The following FILIP1 variants were observed in gnomAD, a reference collection of about 807,000 sequenced individuals.
FILIP1 encodes the protein filamin-A-interacting protein 1.
A neutral mutation model predicts 102.1 loss-of-function variants in FILIP1; 61 were observed. The ratio of observed to expected loss-of-function variants is 0.60; its 90% CI spans 0.49 to 0.74. FILIP1 has a LOEUF of 0.74. Ranked by LOEUF, FILIP1 falls within the 30% of genes least tolerant of loss-of-function variation. The pLI is 0.00. For missense variants in FILIP1, 1,314 were observed against 1,441.2 expected (o/e 0.91, Z 1.43); for synonymous variants, 491 against 526.9 (o/e 0.93, Z 0.93).
At position 75,426,159 on chromosome 6, in the gene FILIP1, G is replaced by A. The variant is rs138366060; in HGVS notation, c.-6-11181C>T. Among the ~76,000 whole-genome samples the A allele has an allele frequency of 5.3e-5, 8 of 152,144 alleles. No individual in the cohort carries two copies. In the East Asian group the frequency reaches 1.5e-3, roughly 29 times the overall value. The stretch of plus-strand genomic sequence containing the variant: ...AGACTATGTGACAGAAATGATGAGT[G>A]TATTTAAACTGGGAGAAATATAAAT... On this transcript the variant is annotated intron_variant, in intron 1 of 5. Coordinates refer to ENST00000237172, the MANE Select transcript of FILIP1 (RefSeq NM_015687.5).
intron 2 of FILIP1, among the ~76,000 whole-genome samples, chr6:75,407,468 C>T (rs189652733): frequency 5.3e-5 from 8 of 152,222 alleles, no homozygotes; most frequent in East Asian, 3.9e-4. Flanking sequence ...CCTTGTGATC[C>T]GCCCACCTCG....
chr6:75,465,963 G>T (rs1779152179), intron 1 of FILIP1, among the ~76,000 whole-genome samples: 1 of 152,116 alleles, frequency 6.6e-6, no homozygotes, highest in South Asian at 2.1e-4. Flanking sequence ...AGCCACGCCA[G>T]CCATCGCGCT....
intron 4 of FILIP1, among the ~76,000 whole-genome samples, chr6:75,335,295 T>C (rs1774205334): frequency 6.6e-6 from 1 of 152,170 alleles, no homozygotes; most frequent in African/African-American, 2.4e-5. Flanking sequence ...ATATTTTTAC[T>C]TGAATTTTTT....
chr6:75,492,549 C>G (rs866343324), intron 1 of FILIP1, among the ~76,000 whole-genome samples: 4 of 152,114 alleles, frequency 2.6e-5, no homozygotes, highest in Admixed American at 1.3e-4. Flanking sequence ...TCATATTCAA[C>G]ATGAAATTGG....
intron 2 of FILIP1, among the ~76,000 whole-genome samples, chr6:75,399,460 T>C (rs1245864553): frequency 6.6e-6 from 1 of 152,198 alleles, no homozygotes; most frequent in Non-Finnish European, 1.5e-5. Flanking sequence ...TACCATACAA[T>C]AGGCCATTAA....
chr6:75,348,729 G>A (rs1425569587), intron 4 of FILIP1, among the ~76,000 whole-genome samples: 38 of 152,208 alleles, frequency 2.5e-4, no homozygotes, highest in Admixed American at 2.5e-3. Context: ...AACCTTCTGT[G>A]ATAACTACCC....
chr6:75,475,451 C>T (rs1170157677), intron 1 of FILIP1, among the ~76,000 whole-genome samples: 1 of 152,126 alleles, frequency 6.6e-6, no homozygotes, highest in South Asian at 2.1e-4. Context: ...TCCCTTGTTC[C>T]ACCATTCCCT....
chr6:75,393,976 G>C (rs986385401), intron 2 of FILIP1, among the ~76,000 whole-genome samples: 1 of 152,150 alleles, frequency 6.6e-6, no homozygotes, highest in Non-Finnish European at 1.5e-5. Context: ...CTCCCTTAGA[G>C]GTACTAGCAG....
chr6:75,301,085 TA>T (rs1772824718), intron 6 of FILIP1, among the ~76,000 whole-genome samples: 1 of 152,208 alleles, frequency 6.6e-6, no homozygotes, highest in South Asian at 2.1e-4. Flanking sequence ...ACACAGATGG[TA>T]AATACCTAGG....
In FILIP1 at chr6:75,365,336, G is replaced by A. The variant is rs913130065; in HGVS notation, c.277-2419C>T. On this transcript the variant is annotated intron_variant, in intron 2 of 5. Transcript: ENST00000237172. ...AGAAGACAGGGTAGTAATATTAAGGGCTGGTTTTTTTGTTTGTTTGTTTTT... is the reference window on the plus strand; with the variant it reads ...AGAAGACAGGGTAGTAATATTAAGGACTGGTTTTTTTGTTTGTTTGTTTTT... Among the ~76,000 whole-genome samples, 3 of 145,472 alleles carry A rather than the reference G, an allele frequency of 2.1e-5. No individual in the cohort carries two copies. The Admixed American group carries it at 2.1e-4, about 10-fold the overall frequency.
chr6:75,337,091 AT>A lies in FILIP1; in HGVS notation c.629+16447del, dbSNP rs549077606. Among the ~76,000 whole-genome samples the A allele has an allele frequency of 6.6e-3, 993 of 150,680 alleles. 5 individuals carry two copies. Among genetic ancestry groups the A allele is most frequent in the South Asian group, 0.062 (297 of 4,766 alleles). On this transcript the variant is annotated intron_variant, in intron 4 of 5. Coordinates refer to ENST00000237172, the MANE Select transcript of FILIP1 (RefSeq NM_015687.5). ...GCATTGTCTTAGACACTGGTGCCTA[AT>A]TTTTTTTTTCTATGAATCATATACA...
chr6:75,428,161 A>T (rs1273563416), intron 1 of FILIP1, among the ~76,000 whole-genome samples: 2 of 152,154 alleles, frequency 1.3e-5, no homozygotes, highest in African/African-American at 2.4e-5. Flanking sequence ...GCTAAGTGCC[A>T]GCCTCCTTGT....
At chr6:75,398,450 C>T (rs989319175) in intron 2 of FILIP1, among the ~76,000 whole-genome samples, 3 of 152,134 alleles carry the variant, frequency 2.0e-5, no homozygotes, top group Admixed American at 2.0e-4. Context: ...ACAAACCCTC[C>T]ATCACCACTA....
intron 1 of FILIP1, among the ~76,000 whole-genome samples, chr6:75,435,297 A>G (rs900587095): frequency 6.6e-6 from 1 of 152,210 alleles, no homozygotes; most frequent in Non-Finnish European, 1.5e-5. Flanking sequence ...AAATTATATC[A>G]TAGGTACAAT....
chr6:75,412,964 T>C (rs970319155), intron 2 of FILIP1, among the ~76,000 whole-genome samples: 3 of 152,204 alleles, frequency 2.0e-5, no homozygotes, highest in Non-Finnish European at 4.4e-5. Context: ...ATTGTATTTA[T>C]AAAGATTAAT....
intron 1 of FILIP1, among the ~76,000 whole-genome samples, chr6:75,456,822 T>C (rs955406892): frequency 3.3e-5 from 5 of 152,202 alleles, no homozygotes; most frequent in Admixed American, 3.3e-4. Context: ...CCTCCCAAAG[T>C]GTTGGGATTA....
rs1250540259 is a variant in FILIP1 at position 75,314,711 on chromosome 6, G to C, written c.1121C>G (p.Ser374Cys). The C allele has an allele frequency of 1.2e-6, 2 of 1,614,140 alleles. No homozygotes were observed. The highest frequency in any genetic ancestry group is 2.2e-5 in the East Asian group (1 of 44,880). ...ATTTTCCACTTCTGCCATGAGGCTA[G>C]AGTTTCCACATTCTCCTTTGGCAAT... ...DKIAKGECGN[S>C]SLMAEVENLR... The change falls in exon 5 of 6, where the codon TCT becomes TGT. Residue 374 changes from serine to cysteine, a missense_variant. This residue lies in a region of FILIP1 where 494 missense variants were observed against 511.2 expected (regional missense o/e 0.97). Coordinates refer to ENST00000237172, the MANE Select transcript of FILIP1 (RefSeq NM_015687.5).
intron 2 of FILIP1, among the ~76,000 whole-genome samples, chr6:75,377,657 A>T (rs190180706): frequency 3.0e-4 from 45 of 152,252 alleles, no homozygotes; most frequent in African/African-American, 1.1e-3. Flanking sequence ...AGCTCCTAGC[A>T]CAATGACTGA....
intron 1 of FILIP1, among the ~76,000 whole-genome samples, chr6:75,487,671 C>G (rs1360921117): frequency 2.6e-5 from 4 of 151,808 alleles, no homozygotes; most frequent in Non-Finnish European, 5.9e-5. Flanking sequence ...TCAGTCAGAT[C>G]TTCTTTTGGC....
Sources: gnomAD v4.1 joint callset for allele counts (sites outside exome capture counted in the v4.1 genomes callset) on GRCh38, gnomAD v4.1.1 for gene constraint, gnomAD v4.1.1 regional missense constraint, MANE v1.5 for transcripts, NCBI Gene and HGNC (gene_info 2026-07-23, HGNC 2026-07-21) for gene names.